The following RASGRF1 variants were observed in gnomAD, a reference collection of about 807,000 sequenced individuals.
RASGRF1 encodes the protein ras-specific guanine nucleotide-releasing factor 1.
A neutral mutation model predicts 138.7 loss-of-function variants in RASGRF1; 40 were observed. The observed-to-expected ratio is 0.29, with a 90% CI of 0.22 to 0.38. RASGRF1 has a LOEUF of 0.38. Ranked by LOEUF, RASGRF1 falls within the 10% of genes least tolerant of loss-of-function variation. The pLI is 1.00. For missense variants in RASGRF1, 1,108 were observed against 1,650.4 expected, an observed-to-expected ratio of 0.67 and a Z score of 5.69; for synonymous variants, 614 against 663.2, an observed-to-expected ratio of 0.93 and a Z score of 1.14.
chr15:79,088,279 A>T (rs1044048921), intron 1 of RASGRF1, among the ~76,000 whole-genome samples: 3 of 152,198 alleles, frequency 2.0e-5, no homozygotes, highest in Non-Finnish European at 4.4e-5. Flanking sequence ...TGACCTAAAT[A>T]GCTCTGTCCA....
intron 10 of RASGRF1, among the ~76,000 whole-genome samples, chr15:79,024,310 C>A (rs1264791502): frequency 6.6e-6 from 1 of 152,046 alleles, no homozygotes; most frequent in Non-Finnish European, 1.5e-5. Context: ...ATACCATACA[C>A]ACACACACAA....
At chr15:78,998,346 G>C in intron 18 of RASGRF1, 138 bp from the exon 19 acceptor site, 2 of 736,362 alleles carry the variant, frequency 2.7e-6, no homozygotes, top group Non-Finnish European at 4.7e-6. Flanking sequence ...CCTTTCTGTT[G>C]GCTTCCTGGC....
chr15:78,997,077 A>C lies in RASGRF1; in HGVS notation c.2966+1019T>G, dbSNP rs1180478372. On this transcript the variant is annotated intron_variant, in intron 19 of 26. Coordinates refer to ENST00000558480, the MANE Select transcript of RASGRF1 (RefSeq NM_001145648.3). ...CACCCGTGATCTCATCCCAGCCTTGAAGCGGGTATTGTTCACCCATTTTAT... is the reference window on the plus strand; with the variant it reads ...CACCCGTGATCTCATCCCAGCCTTGCAGCGGGTATTGTTCACCCATTTTAT... Among the ~76,000 whole-genome samples, 3 of 152,234 alleles carry C rather than the reference A, an allele frequency of 2.0e-5. No homozygotes were observed. In the East Asian group the frequency reaches 5.8e-4, roughly 29 times the overall value.
intron 1 of RASGRF1, among the ~76,000 whole-genome samples, chr15:79,084,935 GT>G (rs949793949): frequency 6.6e-6 from 1 of 152,042 alleles, no homozygotes; most frequent in South Asian, 2.1e-4. Flanking sequence ...TCTTGGTGAA[GT>G]TTTTTTTAAT....
At chr15:79,074,778 A>C (rs1017607044) in intron 1 of RASGRF1, among the ~76,000 whole-genome samples, 1 of 152,152 alleles carries the variant, frequency 6.6e-6, no homozygotes, top group African/African-American at 2.4e-5. Context: ...TTTGCTACAG[A>C]AGAGGCAAGA....
At chr15:79,029,810 G>T (rs1282300775) in intron 8 of RASGRF1, among the ~76,000 whole-genome samples, 9 of 152,142 alleles carry the variant, frequency 5.9e-5, no homozygotes, top group Non-Finnish European at 8.8e-5. Context: ...CAGGCAGTTG[G>T]GTGGGAGGAA....
chr15:79,011,935 G>C (rs2056802433), intron 13 of RASGRF1, among the ~76,000 whole-genome samples: 3 of 151,912 alleles, frequency 2.0e-5, no homozygotes, highest in Admixed American at 2.0e-4. Flanking sequence ...AGGAACACTT[G>C]AGCCCAGGAA....
In RASGRF1 at chr15:78,980,610, A is replaced by G. The variant is rs113347686; in HGVS notation, c.3494+10T>C. 6.3e-7 allele frequency: 1 copy of G among 1,586,830 alleles called. No homozygotes were observed. The highest frequency in any genetic ancestry group is 8.6e-7 in the Non-Finnish European group (1 of 1,156,360). On this transcript the variant is annotated intron_variant, in intron 24 of 26. Transcript: ENST00000558480. Reference sequence around the variant, plus strand: ...TTAAAAATAACAGCGACAAAACGACACACACTTACTTTTTCAGAGCTTCTC... The same window carrying G: ...TTAAAAATAACAGCGACAAAACGACGCACACTTACTTTTTCAGAGCTTCTC...
At chr15:79,004,765 A>G (rs2056633578) in intron 14 of RASGRF1, 4 of 985,492 alleles carry the variant, frequency 4.1e-6, no homozygotes, top group African/African-American at 1.7e-5. Flanking sequence ...AACAGGTTAT[A>G]CATCCAGAAC....
At chr15:79,013,744 C>A (rs1399834709) in intron 13 of RASGRF1, among the ~76,000 whole-genome samples, 2 of 152,144 alleles carry the variant, frequency 1.3e-5, no homozygotes, top group South Asian at 2.1e-4. Context: ...GGGGGTTAGG[C>A]GTGCAGGTGA....
At chr15:79,010,227 G>A (rs2056770222) in intron 13 of RASGRF1, among the ~76,000 whole-genome samples, 1 of 151,970 alleles carries the variant, frequency 6.6e-6, no homozygotes, top group East Asian at 1.9e-4. Flanking sequence ...TAGTAGAGAT[G>A]GGGTTTCACT....
In RASGRF1 at chr15:78,960,196, C is replaced by T. The variant is rs1163921140; in HGVS notation, c.*1948G>A. 1 of 152,526 alleles carries T rather than the reference C, an allele frequency of 6.6e-6. No homozygotes were observed. Among genetic ancestry groups the T allele is most frequent in the Non-Finnish European group, 1.5e-5 (1 of 68,238 alleles). The allele number at this position is 152,526 out of a possible 1,614,324, so 9.4% of individuals were successfully genotyped here. On this transcript the variant is annotated 3_prime_UTR_variant, in exon 27 of 27. Coordinates refer to ENST00000558480, the MANE Select transcript of RASGRF1 (RefSeq NM_001145648.3). Reference sequence around the variant, plus strand: ...ACAAAGTAGGGCTAGGATGAAAATGCCTGGAGGAAACGGAAAAGCAGTTAT... The same window carrying T: ...ACAAAGTAGGGCTAGGATGAAAATGTCTGGAGGAAACGGAAAAGCAGTTAT...
At chr15:79,040,680 C>A (rs2057286286) in intron 5 of RASGRF1, among the ~76,000 whole-genome samples, 1 of 152,160 alleles carries the variant, frequency 6.6e-6, no homozygotes, top group African/African-American at 2.4e-5. Flanking sequence ...TGTACACACA[C>A]AAATGTGCTA....
chr15:78,965,936 G>C (rs2055634677), intron 26 of RASGRF1, among the ~76,000 whole-genome samples: 1 of 152,162 alleles, frequency 6.6e-6, no homozygotes, highest in South Asian at 2.1e-4. Context: ...TTGAACCCAG[G>C]TGTTCCCTGG....
At chr15:78,971,816 A>G in intron 26 of RASGRF1, 50 bp downstream of exon 26, 1 of 1,489,960 alleles carries the variant, frequency 6.7e-7, no homozygotes, top group Non-Finnish European at 9.4e-7. Flanking sequence ...GGTGGCCTAG[A>G]CAGAGCCACT....
intron 2 of RASGRF1, among the ~76,000 whole-genome samples, chr15:79,062,993 TAACCCATTA>T (rs1371063771): frequency 6.6e-6 from 1 of 152,152 alleles, no homozygotes; most frequent in Non-Finnish European, 1.5e-5. Flanking sequence ...GCTACCAATC[TAACCCATTA>T]AGTCTGACTC....
At chr15:79,001,573 G>A (rs1354006146) in intron 16 of RASGRF1, 89 bp downstream of exon 16, 8 of 1,462,414 alleles carry the variant, frequency 5.5e-6, no homozygotes, top group Admixed American at 3.6e-5. Flanking sequence ...AAGCATAAGG[G>A]ATGACACCCA....
chr15:79,054,701 C>A (rs1025287482), intron 3 of RASGRF1, among the ~76,000 whole-genome samples: 1 of 152,238 alleles, frequency 6.6e-6, no homozygotes, highest in Admixed American at 6.5e-5. Context: ...AATGGACACA[C>A]AGAGTCAGTA....
chr15:78,990,526 C>T (rs2056247561), intron 21 of RASGRF1, among the ~76,000 whole-genome samples: 2 of 152,188 alleles, frequency 1.3e-5, no homozygotes, highest in South Asian at 2.1e-4. Context: ...GGAATCAAGA[C>T]AATCCTTTCC....
Sources: gnomAD v4.1 joint callset for allele counts (sites outside exome capture counted in the v4.1 genomes callset) on GRCh38, gnomAD v4.1.1 for gene constraint, MANE v1.5 for transcripts, NCBI Gene and HGNC (gene_info 2026-07-23, HGNC 2026-07-21) for gene names.